The following CNTN4 variants were observed in gnomAD, a reference collection of about 807,000 sequenced individuals.
CNTN4 encodes contactin-4.
In CNTN4, 77 loss-of-function variants were observed where a neutral mutation model predicts 122.5. That is an observed-to-expected ratio of 0.63 (90% CI 0.52 to 0.76). The LOEUF is 0.76. CNTN4 is among the 30% of genes least tolerant of loss of function. CNTN4 has a pLI of 0.00. For missense variants in CNTN4, 1,256 were observed against 1,259.1 expected (o/e 1.00, Z 0.04); for synonymous variants, 512 against 447.0 (o/e 1.15, Z -1.83).
At chr3:2,347,438 A>G (rs1219407922) in intron 3 of CNTN4, among the ~76,000 whole-genome samples, 4 of 130,716 alleles carry the variant, frequency 3.1e-5, no homozygotes, top group Non-Finnish European at 6.3e-5. Flanking sequence ...TGGAGACATA[A>G]TCTCGCTGTC....
At chr3:2,674,712 C>T (rs2084739128) in intron 4 of CNTN4, among the ~76,000 whole-genome samples, 1 of 151,708 alleles carries the variant, frequency 6.6e-6, no homozygotes, top group African/African-American at 2.4e-5. Context: ...GAGCTGAGAT[C>T]AGGCCACAGC....
intron 3 of CNTN4, among the ~76,000 whole-genome samples, chr3:2,353,737 C>CACAAAA (rs777662854): frequency 2.0e-5 from 3 of 152,072 alleles, no homozygotes; most frequent in Non-Finnish European, 4.4e-5. Context: ...CTACTAAAAA[C>CACAAAA]ACAAAAACAA....
chr3:2,515,020 C>G (rs539281709), intron 3 of CNTN4, among the ~76,000 whole-genome samples: 95 of 152,038 alleles, frequency 6.2e-4, no homozygotes, highest in South Asian at 1.9e-3. Flanking sequence ...CCCTCTCTCT[C>G]TTTTTCATCA....
intron 14 of CNTN4, among the ~76,000 whole-genome samples, chr3:3,003,427 G>C (rs554063901): frequency 1.1e-4 from 16 of 152,126 alleles, no homozygotes; most frequent in African/African-American, 3.4e-4. Flanking sequence ...ATGAAGTACT[G>C]ATACATGCTA....
intron 4 of CNTN4, among the ~76,000 whole-genome samples, chr3:2,735,704 C>G (rs1013471237): frequency 1.3e-5 from 2 of 152,158 alleles, no homozygotes; most frequent in African/African-American, 2.4e-5. Flanking sequence ...TATTTGCATA[C>G]ATAGTCATTT....
intron 3 of CNTN4, among the ~76,000 whole-genome samples, chr3:2,345,864 A>G (rs1376624955): frequency 2.0e-5 from 3 of 152,200 alleles, no homozygotes; most frequent in Non-Finnish European, 4.4e-5. Flanking sequence ...TTTGACCATT[A>G]TGGCGTGATC....
At chr3:2,662,034 A>T (rs1216347925) in intron 4 of CNTN4, among the ~76,000 whole-genome samples, 2 of 152,178 alleles carry the variant, frequency 1.3e-5, no homozygotes, top group Non-Finnish European at 2.9e-5. Context: ...CATTCAAAAA[A>T]CACTTATCAA....
intron 2 of CNTN4, among the ~76,000 whole-genome samples, chr3:2,316,533 A>G (rs1468883211): frequency 6.6e-6 from 1 of 152,130 alleles, no homozygotes; most frequent in Non-Finnish European, 1.5e-5. Flanking sequence ...TTTTCTTAAG[A>G]GAATCCTGCA....
At chr3:2,872,075 G>T (rs2093791601) in intron 8 of CNTN4, among the ~76,000 whole-genome samples, 1 of 152,054 alleles carries the variant, frequency 6.6e-6, no homozygotes, top group Admixed American at 6.6e-5. Flanking sequence ...TATTAGCACA[G>T]CTGTTGGTTA....
At chr3:2,780,414 C>G (rs1256148130) in intron 6 of CNTN4, among the ~76,000 whole-genome samples, 1 of 152,180 alleles carries the variant, frequency 6.6e-6, no homozygotes, top group Non-Finnish European at 1.5e-5. Flanking sequence ...TCTGGATCTT[C>G]CAACTCTCAA....
intron 3 of CNTN4, among the ~76,000 whole-genome samples, chr3:2,521,548 A>C (rs1237437486): frequency 6.6e-6 from 1 of 152,122 alleles, no homozygotes; most frequent in Non-Finnish European, 1.5e-5. Flanking sequence ...TTTTTGAACA[A>C]GTTTTACAAC....
At chr3:2,255,820 G>T (rs2040566410) in intron 2 of CNTN4, among the ~76,000 whole-genome samples, 1 of 152,198 alleles carries the variant, frequency 6.6e-6, no homozygotes, top group South Asian at 2.1e-4. Context: ...AGCACTAAGT[G>T]CCTGCAAGAG....
intron 6 of CNTN4, among the ~76,000 whole-genome samples, chr3:2,763,405 G>A (rs1033816243): frequency 2.0e-5 from 3 of 152,146 alleles, no homozygotes; most frequent in Non-Finnish European, 4.4e-5. Context: ...TACATAGTTT[G>A]CGAAGACTTT....
intron 2 of CNTN4, among the ~76,000 whole-genome samples, chr3:2,265,184 A>C (rs1403511334): frequency 7.7e-6 from 1 of 130,598 alleles, no homozygotes; most frequent in African/African-American, 2.7e-5. Flanking sequence ...CTGTGAATGC[A>C]ATTATTTCGT....
chr3:2,649,004 C>G (rs2083250685), intron 4 of CNTN4, among the ~76,000 whole-genome samples: 1 of 152,174 alleles, frequency 6.6e-6, no homozygotes, highest in African/African-American at 2.4e-5. Flanking sequence ...AAAGCCTAAT[C>G]CAAAGCAAGG....
At chr3:2,976,288 G>A (rs994511018) in intron 13 of CNTN4, among the ~76,000 whole-genome samples, 1 of 152,172 alleles carries the variant, frequency 6.6e-6, no homozygotes. Flanking sequence ...TTCAGAGGAA[G>A]TTAAACCTGA....
At chr3:2,928,348 A>G (rs758760744) in intron 13 of CNTN4, among the ~76,000 whole-genome samples, 15 of 152,226 alleles carry the variant, frequency 9.9e-5, no homozygotes, top group Non-Finnish European at 1.8e-4. Context: ...TCTCATTGGC[A>G]GAGAAGAGAT....
At chr3:2,594,753 G>T (rs1463387824) in intron 4 of CNTN4, among the ~76,000 whole-genome samples, 1 of 148,884 alleles carries the variant, frequency 6.7e-6, no homozygotes, top group Non-Finnish European at 1.5e-5. Context: ...CTTCACATTA[G>T]ATCAGAAGAA....
chr3:2,474,375 T>G (rs1277089888), intron 3 of CNTN4, among the ~76,000 whole-genome samples: 1 of 152,216 alleles, frequency 6.6e-6, no homozygotes, highest in Non-Finnish European at 1.5e-5. Context: ...TTACTTAAAA[T>G]GTTTATTCAG....
Sources: gnomAD v4.1 joint callset for allele counts (sites outside exome capture counted in the v4.1 genomes callset) on GRCh38, gnomAD v4.1.1 for gene constraint, MANE v1.5 for transcripts, NCBI Gene and HGNC (gene_info 2026-07-23, HGNC 2026-07-21) for gene names.